Variants in OTOA observed in about 807,000 individuals in gnomAD.
OTOA encodes the protein cancer/testis antigen 108.
A neutral mutation model predicts 110.8 loss-of-function variants in OTOA; 70 were observed. That is an observed-to-expected ratio of 0.63 (90% CI 0.52 to 0.77). OTOA has a LOEUF of 0.77. Among genes scored for constraint, OTOA ranks in the 30% least tolerant of loss-of-function variants. The pLI is 0.00. For synonymous variants in OTOA, 373 were observed against 431.5 expected (o/e 0.86, Z 1.68); for missense variants, 917 against 1,075.8 (o/e 0.85, Z 2.06).
chr16:21,759,682 C>T (rs1489151490), intron 28 of OTOA, among the ~76,000 whole-genome samples: 1 of 152,032 alleles, frequency 6.6e-6, no homozygotes, highest in Non-Finnish European at 1.5e-5. Flanking sequence ...AGGTGGATCA[C>T]TTGGGGTTAG....
At chr16:21,710,327 G>A (rs2141689181) in intron 13 of OTOA, among the ~76,000 whole-genome samples, 1 of 152,238 alleles carries the variant, frequency 6.6e-6, no homozygotes, top group Middle Eastern at 3.4e-3. Flanking sequence ...ATCTTGCTGT[G>A]TGCTCACCTG....
In OTOA at chr16:21,705,282, G is replaced by A. The variant is rs199538778; in HGVS notation, c.1094G>A (p.Gly365Asp). Residue 365 changes from glycine to aspartate, a missense_variant, in exon 12 of 29, where the codon GGC (glycine) becomes GAC (aspartate). Physicochemically the swap from Gly to Asp is moderately conservative, Grantham distance 94 (BLOSUM62 -1). Coordinates refer to ENST00000646100, the MANE Select transcript of OTOA (RefSeq NM_144672.4). ...AGCCACCTGAGGGGCTTCCAGGCTG[G>A]CGTCCAGAAGGTACAGCTGGGGTGC... ...KCSHLRGFQA[G>D]VQKLKAELLD... 1.4e-5 allele frequency: 23 copies of A among 1,613,792 alleles called. No individual in the cohort carries two copies. Among genetic ancestry groups the A allele is most frequent in the Admixed American group, 1.7e-5 (1 of 60,000 alleles).
At chr16:21,733,356 T>TG (rs1449193552) in intron 21 of OTOA, among the ~76,000 whole-genome samples, 96 of 150,424 alleles carry the variant, frequency 6.4e-4, no homozygotes, top group Non-Finnish European at 1.6e-4. Context: ...TAGAATCACC[T>TG]GGGGAGATTC....
intron 7 of OTOA, among the ~76,000 whole-genome samples, 196 bp from the exon 8 acceptor site, chr16:21,687,217 C>A (rs574827712): frequency 1.3e-5 from 2 of 152,284 alleles, no homozygotes; most frequent in South Asian, 4.1e-4. Context: ...AGTGGGGAGG[C>A]TCCACAGTGA....
chr16:21,687,061 G>C (rs917794009), intron 7 of OTOA, among the ~76,000 whole-genome samples: 2 of 152,188 alleles, frequency 1.3e-5, no homozygotes, highest in African/African-American at 4.8e-5. Flanking sequence ...TCTGAAGTAG[G>C]AAGTTGGAGG....
intron 17 of OTOA, 132 bp downstream of exon 17, chr16:21,719,636 T>C: frequency 2.3e-6 from 2 of 887,608 alleles, no homozygotes; most frequent in Non-Finnish European, 3.8e-6. Flanking sequence ...GGGCCAAAGA[T>C]TGAGCCAGGT....
intron 11 of OTOA, among the ~76,000 whole-genome samples, chr16:21,702,460 T>C (rs1037328922): frequency 6.6e-6 from 1 of 152,172 alleles, no homozygotes; most frequent in African/African-American, 2.4e-5. Context: ...AATAGCCTCA[T>C]GATTAAGAAC....
intron 1 of OTOA, among the ~76,000 whole-genome samples, chr16:21,669,278 G>T (rs968268699): frequency 1.3e-5 from 2 of 152,138 alleles, no homozygotes; most frequent in East Asian, 1.9e-4. Context: ...GGGAGGCAGA[G>T]GTTGCAGTGA....
chr16:21,688,458 A>G (rs1482341966), intron 8 of OTOA, among the ~76,000 whole-genome samples: 1 of 152,150 alleles, frequency 6.6e-6, no homozygotes, highest in Non-Finnish European at 1.5e-5. Flanking sequence ...TGGGAAAAAA[A>G]GTGTTACTAA....
rs1053659364 is a variant in OTOA, at chr16:21,695,228, C to A, written c.740-2547C>A. Among the ~76,000 whole-genome samples the A allele has an allele frequency of 5.4e-4, 77 of 141,324 alleles. 1 individual carries two copies. Among genetic ancestry groups the A allele is most frequent in the Admixed American group, 8.5e-4 (12 of 14,074 alleles). 92.7% of individuals were successfully genotyped at this position (141,324 alleles called of 152,430 possible). A position where few individuals can be genotyped will look rare whatever the true frequency, so the allele number is the denominator to read the frequency against. On this transcript the variant is annotated intron_variant, in intron 9 of 28. Transcript: ENST00000646100. Reference sequence around the variant, plus strand: ...CAGCCTGGGCAATGTAGTGAGACCCCCCCCCCCCATACAAAAAAATTAAAA... The same window carrying A: ...CAGCCTGGGCAATGTAGTGAGACCCACCCCCCCCATACAAAAAAATTAAAA...
intron 17 of OTOA, chr16:21,721,395 G>C (rs776424865): frequency 2.2e-6 from 1 of 455,056 alleles, no homozygotes; most frequent in African/African-American, 2.0e-5. Flanking sequence ...AAACATTTTT[G>C]GTTGTCACAA....
chr16:21,667,987 AC>A (rs373470996), intron 1 of OTOA, among the ~76,000 whole-genome samples: 41,839 of 151,856 alleles, frequency 0.28, 6,036 homozygotes, highest in African/African-American at 0.36. Flanking sequence ...CCTCCTTGAA[AC>A]AATAAGGACT....
intron 11 of OTOA, among the ~76,000 whole-genome samples, chr16:21,701,342 G>A (rs1408724153): frequency 2.0e-5 from 3 of 152,314 alleles, no homozygotes; most frequent in African/African-American, 7.2e-5. Flanking sequence ...ACTGGGTCCT[G>A]TTCCAAAGTG....
chr16:21,716,785 C>G, intron 14 of OTOA, 122 bp from the exon 15 acceptor site: 1 of 1,151,138 alleles, frequency 8.7e-7, no homozygotes, highest in Admixed American at 1.7e-5. Context: ...TGCTACTCTC[C>G]ACTTCCTAGG....
At chr16:21,733,414 A>G (rs1031391076) in intron 21 of OTOA, among the ~76,000 whole-genome samples, 4 of 152,142 alleles carry the variant, frequency 2.6e-5, no homozygotes, top group African/African-American at 9.6e-5. Flanking sequence ...CTGAGTCAGA[A>G]TCTTTAGGGG....
rs1011754685 is a variant in OTOA at position 21,698,002 on chromosome 16, A to G, written c.840+127A>G. 6.2e-6 allele frequency: 5 copies of G among 803,028 alleles called. No individual in the cohort carries two copies. The African/African-American group carries it at 6.8e-5, about 11-fold the overall frequency. The allele number at this position is 803,028 out of a possible 1,614,324, so 49.7% of individuals were successfully genotyped here. A position where few individuals can be genotyped will look rare whatever the true frequency, so the allele number is the denominator to read the frequency against. On this transcript the variant is annotated intron_variant, in intron 10 of 28. Coordinates refer to ENST00000646100, the MANE Select transcript of OTOA (RefSeq NM_144672.4). Reference sequence around the variant, plus strand: ...GAAATTGTGTACCCTCCTCAGCCCAATAGACCTTGGGCCTCTGAAGAAAAC... The same window carrying G: ...GAAATTGTGTACCCTCCTCAGCCCAGTAGACCTTGGGCCTCTGAAGAAAAC...
chr16:21,670,786 A>G (rs559473960), intron 1 of OTOA, among the ~76,000 whole-genome samples: 10 of 152,308 alleles, frequency 6.6e-5, no homozygotes, highest in Admixed American at 3.3e-4. Context: ...TCTTCTGGCT[A>G]ATTGCTTTGG....
In OTOA at chr16:21,691,597, A is replaced by G. The variant is rs1282946545; in HGVS notation, c.649A>G (p.Lys217Glu). The G allele has an allele frequency of 2.5e-6, 4 of 1,613,552 alleles. No individual in the cohort carries two copies. The highest frequency in any genetic ancestry group is 2.5e-6 in the Non-Finnish European group (3 of 1,179,536). Reference sequence around the variant, plus strand: ...TGTGTCATTTAGATCTGCAGTGTTCAAAGATCTCTACGACAAAACCTCGGC... The same window carrying G: ...TGTGTCATTTAGATCTGCAGTGTTCGAAGATCTCTACGACAAAACCTCGGC... The part of the protein sequence containing the change: ...DAFKNLSAVF[K>E]DLYDKTSAHS... The change falls in exon 9 of 29, where the codon AAA (lysine) becomes GAA (glutamate). Residue 217 changes from lysine to glutamate, a missense_variant. Lys to Glu is a moderately conservative substitution (Grantham distance 56, BLOSUM62 1). Transcript: ENST00000646100.
intron 23 of OTOA, among the ~76,000 whole-genome samples, chr16:21,744,331 G>A (rs1899585747): frequency 6.6e-6 from 1 of 152,104 alleles, no homozygotes; most frequent in Non-Finnish European, 1.5e-5. Flanking sequence ...ATTTTTAGTA[G>A]AGGCAGGGTT....
Sources: gnomAD v4.1 joint callset for allele counts (sites outside exome capture counted in the v4.1 genomes callset) on GRCh38, gnomAD v4.1.1 for gene constraint, MANE v1.5 for transcripts, NCBI Gene and HGNC (gene_info 2026-07-23, HGNC 2026-07-21) for gene names.